The following VWC2L variants were observed in gnomAD, a reference collection of about 807,000 sequenced individuals.
The protein encoded by VWC2L is von Willebrand factor C domain-containing protein 2-like.
VWC2L carries 10 observed loss-of-function variants against 21.6 expected under a neutral mutation model. The ratio of observed to expected loss-of-function variants is 0.46; its 90% CI spans 0.29 to 0.78. The LOEUF (loss-of-function observed/expected upper bound fraction) is 0.78, where lower values mean the gene tolerates loss of function less well. Ranked by LOEUF, VWC2L falls within the 30% of genes least tolerant of loss-of-function variation. The probability of loss-of-function intolerance (pLI) is 0.10; values close to 1 mark genes in which losing one functional copy is unlikely to be tolerated. For synonymous variants in VWC2L, 96 were observed against 94.3 expected, an observed-to-expected ratio of 1.02 and a Z score of -0.10; for missense variants, 209 against 277.1, an observed-to-expected ratio of 0.75 and a Z score of 1.74.
At chr2:214,461,781 T>C (rs1703145398) in intron 3 of VWC2L, among the ~76,000 whole-genome samples, 1 of 152,068 alleles carries the variant, frequency 6.6e-6, no homozygotes. Flanking sequence ...TAGGAGGTAA[T>C]GGCAGTGGCG....
chr2:214,521,177 A>G (rs1689233875), intron 3 of VWC2L, among the ~76,000 whole-genome samples: 1 of 151,872 alleles, frequency 6.6e-6, no homozygotes, highest in African/African-American at 2.4e-5. Flanking sequence ...GTGAGTGGAG[A>G]TCGCGCCACT....
At chr2:214,451,810 C>T (rs923894736) in intron 3 of VWC2L, among the ~76,000 whole-genome samples, 1 of 152,052 alleles carries the variant, frequency 6.6e-6, no homozygotes, top group African/African-American at 2.4e-5. Flanking sequence ...TGAGTCATGG[C>T]AACTATTAAT....
chr2:214,418,646 G>A (rs893864738), intron 2 of VWC2L, among the ~76,000 whole-genome samples: 3 of 152,098 alleles, frequency 2.0e-5, no homozygotes, highest in Non-Finnish European at 2.9e-5. Context: ...CTATGTAACA[G>A]TCATTTAATA....
chr2:214,427,937 A>C (rs573044625), intron 2 of VWC2L, among the ~76,000 whole-genome samples: 162 of 152,342 alleles, frequency 1.1e-3, no homozygotes, highest in African/African-American at 3.8e-3. Flanking sequence ...TTTGATTCAC[A>C]GTGGGTTGAA....
intron 3 of VWC2L, among the ~76,000 whole-genome samples, chr2:214,471,522 C>T (rs1306342442): frequency 1.3e-5 from 2 of 152,164 alleles, no homozygotes; most frequent in Non-Finnish European, 2.9e-5. Flanking sequence ...TCACAACAGC[C>T]CTTTTGCAGA....
intron 3 of VWC2L, among the ~76,000 whole-genome samples, chr2:214,466,182 G>T (rs1703214835): frequency 6.6e-6 from 1 of 152,080 alleles, no homozygotes; most frequent in South Asian, 2.1e-4. Context: ...ATGACTACTG[G>T]AGGCTTCTAT....
At chr2:214,437,806 T>A (rs1702699422) in intron 3 of VWC2L, among the ~76,000 whole-genome samples, 2 of 152,160 alleles carry the variant, frequency 1.3e-5, no homozygotes, top group Non-Finnish European at 1.5e-5. Flanking sequence ...AAAAGATTTT[T>A]TAAGTAGCTC....
At chr2:214,550,685 A>G (rs893695294) in intron 3 of VWC2L, among the ~76,000 whole-genome samples, 2 of 152,198 alleles carry the variant, frequency 1.3e-5, no homozygotes, top group African/African-American at 2.4e-5. Context: ...TCCTGTTTAT[A>G]TATAAATATA....
Position 214,480,314 on chromosome 2 carries a change from G to A in VWC2L, c.520+43556G>A, listed in dbSNP as rs567172334. Among the ~76,000 whole-genome samples the A allele has an allele frequency of 9.9e-4, 150 of 152,276 alleles. 1 individual carries two copies. The highest frequency in any genetic ancestry group is 3.5e-3 in the African/African-American group (146 of 41,550). On this transcript the variant is annotated intron_variant, in intron 3 of 3. Transcript: ENST00000312504. Reference sequence around the variant, plus strand: ...AAAAAACCTAAAGTCCCAGATGTTTGTGATATGTTTTAAAGTTATGGTTGA... The same window carrying A: ...AAAAAACCTAAAGTCCCAGATGTTTATGATATGTTTTAAAGTTATGGTTGA...
intron 3 of VWC2L, among the ~76,000 whole-genome samples, chr2:214,475,115 G>A (rs375502787): frequency 6.6e-6 from 1 of 152,118 alleles, no homozygotes; most frequent in South Asian, 2.1e-4. Context: ...CCCTTCTTTT[G>A]AAAGCTTTAC....
At chr2:214,547,982 A>T (rs1689736468) in intron 3 of VWC2L, among the ~76,000 whole-genome samples, 2 of 152,140 alleles carry the variant, frequency 1.3e-5, no homozygotes, top group African/African-American at 4.8e-5. Context: ...TAGAGTTTTT[A>T]TTTCTTCTTC....
intron 3 of VWC2L, among the ~76,000 whole-genome samples, chr2:214,518,759 C>T (rs1689185581): frequency 6.6e-6 from 1 of 152,182 alleles, no homozygotes; most frequent in African/African-American, 2.4e-5. Context: ...GAATGAAAGA[C>T]TCTATCCCCA....
intron 3 of VWC2L, among the ~76,000 whole-genome samples, chr2:214,550,075 T>A (rs894382507): frequency 7.9e-5 from 12 of 152,184 alleles, no homozygotes; most frequent in Admixed American, 7.2e-4. Flanking sequence ...AATGCAGTGT[T>A]TAGAATCAAG....
intron 3 of VWC2L, among the ~76,000 whole-genome samples, chr2:214,552,894 C>T (rs538678647): frequency 1.7e-4 from 26 of 152,342 alleles, no homozygotes; most frequent in African/African-American, 5.8e-4. Context: ...ATCTCTATAA[C>T]TAAACTCTAG....
At chr2:214,569,608 G>A (rs891769514) in intron 3 of VWC2L, among the ~76,000 whole-genome samples, 2 of 152,144 alleles carry the variant, frequency 1.3e-5, no homozygotes, top group Non-Finnish European at 2.9e-5. Context: ...ACCAGCTCCA[G>A]TACATAACTG....
At position 214,575,820 on chromosome 2, in the gene VWC2L, G is replaced by A; in HGVS notation, c.669G>A (p.Ter223=). 6.2e-7 allele frequency: 1 copy of A among 1,611,718 alleles called. No homozygotes were observed. Among genetic ancestry groups the A allele is most frequent in the Non-Finnish European group, 8.5e-7 (1 of 1,178,226 alleles). ...AATGCCAAGGCAAGCAGACTGTGTA[G>A]GACAAACTTCCACCCAATGATGAGT... is the stretch of plus-strand genomic sequence containing the variant. ...KRECQGKQTV[*] is the part of the protein sequence containing the mutation. The change falls in exon 4 of 4, where the codon TAG becomes TAA. Residue 223 remains the stop codon, a stop_retained_variant. Transcript: ENST00000312504.
At chr2:214,433,935 G>A (rs1481608813) in intron 2 of VWC2L, among the ~76,000 whole-genome samples, 1 of 152,052 alleles carries the variant, frequency 6.6e-6, no homozygotes, top group Non-Finnish European at 1.5e-5. Context: ...AAGGAGGCTT[G>A]ACATGAGAAA....
chr2:214,487,140 A>G (rs902639801), intron 3 of VWC2L, among the ~76,000 whole-genome samples: 1 of 151,990 alleles, frequency 6.6e-6, no homozygotes, highest in African/African-American at 2.4e-5. Context: ...CCTCAAAAGA[A>G]TCCAGATTGC....
chr2:214,471,518 C>T lies in VWC2L; in HGVS notation c.520+34760C>T, dbSNP rs147339946. Among the ~76,000 whole-genome samples the T allele has an allele frequency of 6.6e-4, 100 of 152,278 alleles. 1 individual carries two copies. The highest frequency in any genetic ancestry group is 2.3e-3 in the African/African-American group (97 of 41,550). ...ATGTAATCTCACTTAATCTTCACAA[C>T]AGCCCTTTTGCAGATGAGAAATGGA... On this transcript the variant is annotated intron_variant, in intron 3 of 3. Coordinates refer to ENST00000312504, the MANE Select transcript of VWC2L (RefSeq NM_001080500.4).
Sources: allele counts gnomAD v4.1 joint callset (sites outside exome capture counted in the v4.1 genomes callset), GRCh38; gene constraint gnomAD v4.1.1; transcripts MANE v1.5; gene names NCBI Gene and HGNC (gene_info 2026-07-23, HGNC 2026-07-21).